Variants in SLFN12 observed in about 807,000 individuals in gnomAD.
SLFN12 encodes schlafen family member 12, also known as ribonuclease SLFN12.
Under a neutral mutation model 29.1 loss-of-function variants are expected in SLFN12, and 25 were observed. That is an observed-to-expected ratio of 0.86 (90% CI 0.63 to 1.20). The LOEUF (loss-of-function observed/expected upper bound fraction) is 1.20, where lower values mean the gene tolerates loss of function less well. Among genes scored for constraint, SLFN12 ranks in the 50% most tolerant of loss-of-function variants. The probability of loss-of-function intolerance (pLI) is 0.00; values close to 1 mark genes in which losing one functional copy is unlikely to be tolerated. For synonymous variants in SLFN12, 257 were observed against 238.7 expected (o/e 1.08, Z -0.71); for missense variants, 660 against 666.2 (o/e 0.99, Z 0.10).
chr17:35,413,756 A>G (rs1597761685), intron 3 of SLFN12, among the ~76,000 whole-genome samples: 1 of 151,720 alleles, frequency 6.6e-6, no homozygotes, highest in African/African-American at 2.4e-5. Context: ...TCTCAAAAAA[A>G]AAAAAAAAGA....
chr17:35,415,209 T>C (rs8066379), intron 3 of SLFN12, among the ~76,000 whole-genome samples: 7,316 of 152,034 alleles, frequency 0.048, 607 homozygotes, highest in African/African-American at 0.17. Flanking sequence ...AAAGAAAGTC[T>C]AATGCTTACA....
Position 35,422,168 on chromosome 17 carries a change from G to A in SLFN12, c.861C>T (p.Cys287=). Reference sequence around the variant, plus strand: ...CTTTATCATATACTCCAAGGAATTTGCATGAATAATTTATCTTCTTCTTCT... The same window carrying A: ...CTTTATCATATACTCCAAGGAATTTACATGAATAATTTATCTTCTTCTTCT... The part of the protein sequence containing the change: ...CMEKKKINYS[C]KFLGVYDKGS... Residue 287 remains cysteine, a synonymous_variant, in exon 2 of 4, where the codon TGC becomes TGT. Coordinates refer to ENST00000304905, the MANE Select transcript of SLFN12 (RefSeq NM_018042.5). The A allele has an allele frequency of 4.3e-6, 7 of 1,614,084 alleles. No homozygotes were observed. The highest frequency in any genetic ancestry group is 5.9e-6 in the Non-Finnish European group (7 of 1,179,984).
Position 35,411,930 on chromosome 17 carries a change from G to C in SLFN12, c.1148-3C>G. 2 of 1,542,264 alleles carry C rather than the reference G, an allele frequency of 1.3e-6. No homozygotes were observed. Among genetic ancestry groups the C allele is most frequent in the Non-Finnish European group, 1.7e-6 (2 of 1,146,378 alleles). ...ATACGTTATCCTTCCTGATAGCCCT[G>C]AATAAGGAAATAATAATAATAAATT... On this transcript the variant is annotated splice_region_variant and splice_polypyrimidine_tract_variant and intron_variant, in intron 3 of 3. Transcript: ENST00000304905.
Position 35,411,646 on chromosome 17 carries a change from A to G in SLFN12, c.1429T>C (p.Leu477=). 1 of 1,614,040 alleles carries G rather than the reference A, an allele frequency of 6.2e-7. No homozygotes were observed. Among genetic ancestry groups the G allele is most frequent in the South Asian group, 1.1e-5 (1 of 91,086 alleles). The part of the protein sequence containing the change: ...KGYSTQTALT[L]KQKLAKIGGY... Reference sequence around the variant, plus strand: ...CCAATTTTTGCCAGCTTCTGCTTTAAGGTTAGGGCAGTTTGTGTAGAATAG... The same window carrying G: ...CCAATTTTTGCCAGCTTCTGCTTTAGGGTTAGGGCAGTTTGTGTAGAATAG... The change falls in exon 4 of 4, where the codon TTA becomes CTA. Residue 477 remains leucine, a synonymous_variant. Transcript: ENST00000304905.
intron 3 of SLFN12, among the ~76,000 whole-genome samples, chr17:35,412,296 G>A (rs1245384507): frequency 2.0e-5 from 3 of 152,102 alleles, no homozygotes; most frequent in African/African-American, 4.8e-5. Flanking sequence ...AGAAAATGAA[G>A]CTGCAGAGAA....
intron 3 of SLFN12, among the ~76,000 whole-genome samples, chr17:35,413,248 T>C (rs748194895): frequency 6.6e-6 from 1 of 151,004 alleles, no homozygotes; most frequent in Non-Finnish European, 1.5e-5. Context: ...AATACAAGAG[T>C]ATACCAATCC....
intron 1 of SLFN12, among the ~76,000 whole-genome samples, chr17:35,428,784 C>G (rs745646347): frequency 2.6e-5 from 4 of 152,078 alleles, no homozygotes; most frequent in Non-Finnish European, 4.4e-5. Context: ...CATAATTATG[C>G]TAGAAAGCAG....
intron 3 of SLFN12, among the ~76,000 whole-genome samples, chr17:35,413,685 G>T (rs1296805710): frequency 6.6e-6 from 1 of 151,038 alleles, no homozygotes; most frequent in Non-Finnish European, 1.5e-5. Context: ...GGAGGTGGAG[G>T]TTGCAGGGTG....
At position 35,420,368 on chromosome 17, in the gene SLFN12, T is replaced by C; in HGVS notation, c.1053A>G (p.Ser351=). 6.2e-7 allele frequency: 1 copy of C among 1,612,306 alleles called. No homozygotes were observed. The highest frequency in any genetic ancestry group is 8.5e-7 in the Non-Finnish European group (1 of 1,179,054). ...TTATTTGAGAGATCACCTCTTCATA[T>C]GAACTGGAAAATTCTTAAAAACAAA... is the stretch of plus-strand genomic sequence containing the variant. ...MVEAEPKFSS[S]YEEVISQINT... is the part of the protein sequence containing the mutation. The change falls in exon 3 of 4, where the codon TCA becomes TCG. Residue 351 remains serine (S), a synonymous_variant. Coordinates refer to ENST00000304905, the MANE Select transcript of SLFN12 (RefSeq NM_018042.5).
chr17:35,429,369 A>G (rs1017775261), intron 1 of SLFN12, among the ~76,000 whole-genome samples: 2 of 152,068 alleles, frequency 1.3e-5, no homozygotes, highest in African/African-American at 4.8e-5. Flanking sequence ...CCATAGTTGA[A>G]AATCACTGCC....
intron 3 of SLFN12, among the ~76,000 whole-genome samples, chr17:35,417,291 C>T (rs1040122037): frequency 6.6e-5 from 10 of 152,164 alleles, no homozygotes; most frequent in African/African-American, 2.2e-4. Flanking sequence ...ATATTAAAAA[C>T]ATTTAATCAT....
chr17:35,424,678 T>C (rs74854294), intron 1 of SLFN12, among the ~76,000 whole-genome samples: 10,455 of 152,226 alleles, frequency 0.069, 611 homozygotes, highest in South Asian at 0.27. Context: ...AGGTTGTGGA[T>C]ACCACCTGTG....
intron 3 of SLFN12, among the ~76,000 whole-genome samples, chr17:35,416,162 T>G (rs1328851864): frequency 6.6e-6 from 1 of 152,116 alleles, no homozygotes; most frequent in Non-Finnish European, 1.5e-5. Context: ...CACCATGGAA[T>G]GCTATCAGTC....
rs900351363 is a variant in SLFN12 at position 35,430,785 on chromosome 17, A to G, written c.-41+1403T>C. Among the ~76,000 whole-genome samples, 6 of 152,240 alleles carry G rather than the reference A, an allele frequency of 3.9e-5. No individual in the cohort carries two copies. The South Asian group carries it at 1.2e-3, about 32-fold the overall frequency. On this transcript the variant is annotated intron_variant, in intron 1 of 3. Transcript: ENST00000304905. The stretch of plus-strand genomic sequence containing the variant: ...AAGAATCTACCAACTTAAGTAAACA[A>G]TCTCCTCATTAATCCCCTACAACTG...
At chr17:35,420,641 G>C in intron 2 of SLFN12, 1 of 276,902 alleles carries the variant, frequency 3.6e-6, no homozygotes, top group Non-Finnish European at 6.8e-6. Flanking sequence ...CATATAATTG[G>C]GTTTATTTTT....
rs372845391 is a variant in SLFN12 at position 35,423,179 on chromosome 17, G to A, written c.-40-111C>T. 8.0e-5 allele frequency: 99 copies of A among 1,238,670 alleles called. 2 individuals are homozygous for A. The East Asian group carries it at 1.6e-3, about 20-fold the overall frequency. 76.7% of individuals were successfully genotyped at this position (1,238,670 alleles called of 1,614,324 possible). On this transcript the variant is annotated intron_variant, in intron 1 of 3. Transcript: ENST00000304905. ...TGTGCTGTATATATTCTACTAGACT[G>A]GTAAGTATATGGATATGAAGAGACT...
chr17:35,419,203 A>G (rs1334853910), intron 3 of SLFN12, among the ~76,000 whole-genome samples: 1 of 152,112 alleles, frequency 6.6e-6, no homozygotes, highest in Non-Finnish European at 1.5e-5. Context: ...ATCCTAGTGT[A>G]TAGAAGGATC....
At chr17:35,428,699 G>C (rs1912145044) in intron 1 of SLFN12, among the ~76,000 whole-genome samples, 2 of 152,118 alleles carry the variant, frequency 1.3e-5, no homozygotes, top group Admixed American at 1.3e-4. Flanking sequence ...ACTCCTGGTA[G>C]TTGAACAAGA....
Position 35,422,057 on chromosome 17 carries a change from C to T in SLFN12, c.972G>A (p.Val324=), listed in dbSNP as rs1248343961. ...TCAACTGCATCACACGGTTATCTTT[C>T]ACATGCCAGGAATCAGGCTCTTTAG... ...VFAKEPDSWH[V]KDNRVMQLTR... is the part of the protein sequence containing the mutation. Residue 324 remains valine, a synonymous_variant, in exon 2 of 4, where the codon GTG becomes GTA. Coordinates refer to ENST00000304905, the MANE Select transcript of SLFN12 (RefSeq NM_018042.5). 1 of 1,614,104 alleles carries T rather than the reference C, an allele frequency of 6.2e-7. No homozygotes were observed. The highest frequency in any genetic ancestry group is 8.5e-7 in the Non-Finnish European group (1 of 1,180,012).
Sources: gnomAD v4.1 joint callset for allele counts (sites outside exome capture counted in the v4.1 genomes callset) on GRCh38, gnomAD v4.1.1 for gene constraint, MANE v1.5 for transcripts, NCBI Gene and HGNC (gene_info 2026-07-23, HGNC 2026-07-21) for gene names.